LARP1B: variants seen among roughly 807,000 people sequenced by gnomAD.
LARP1B encodes the protein La ribonucleoprotein 1B.
In LARP1B, 76 loss-of-function variants were observed where a neutral mutation model predicts 114.2. That is an observed-to-expected ratio of 0.67 (90% CI 0.55 to 0.81). The LOEUF (loss-of-function observed/expected upper bound fraction) is 0.81. LARP1B is among the 30% of genes least tolerant of loss of function. The probability of loss-of-function intolerance (pLI) is 0.00; values close to 1 mark genes in which losing one functional copy is unlikely to be tolerated. For missense variants in LARP1B, 1,014 were observed against 1,075.8 expected (o/e 0.94, Z 0.80); for synonymous variants, 345 against 348.0 (o/e 0.99, Z 0.10).
intron 6 of LARP1B, among the ~76,000 whole-genome samples, chr4:128,219,169 A>G (rs1300565206): frequency 2.7e-5 from 4 of 150,640 alleles, no homozygotes; most frequent in African/African-American, 9.7e-5. Context: ...GGATGTGGAG[A>G]AATAGGAACA....
chr4:128,155,433 C>A, intron 11 of LARP1B: 1 of 692,934 alleles, frequency 1.4e-6, no homozygotes, highest in African/African-American at 1.7e-5. Context: ...CCGGGAATGG[C>A]GTGGGTATGG....
chr4:128,151,882 G>T (rs1250759790), intron 11 of LARP1B, among the ~76,000 whole-genome samples: 1 of 152,164 alleles, frequency 6.6e-6, no homozygotes, highest in Non-Finnish European at 1.5e-5. Context: ...GGGATTACAG[G>T]TGTGAGCCAC....
chr4:128,195,195 A>T (rs542607445), intron 15 of LARP1B, among the ~76,000 whole-genome samples: 9 of 152,314 alleles, frequency 5.9e-5, no homozygotes, highest in African/African-American at 1.9e-4. Flanking sequence ...TGCTAAAGTA[A>T]GTCCTAGGCT....
At chr4:128,135,347 T>C (rs944351117) in intron 11 of LARP1B, among the ~76,000 whole-genome samples, 9 of 152,112 alleles carry the variant, frequency 5.9e-5, no homozygotes, top group Non-Finnish European at 1.3e-4. Flanking sequence ...GCAGCCCTTA[T>C]GGAATACAGG....
At chr4:128,118,232 A>AT (rs771418969) in intron 10 of LARP1B, among the ~76,000 whole-genome samples, 11,625 of 93,482 alleles carry the variant, frequency 0.12, 1,632 homozygotes, top group African/African-American at 0.34. Context: ...AGTCAGGTCT[A>AT]TTTTTTTTTT....
chr4:128,092,780 A>G (rs897889469), intron 7 of LARP1B: 3 of 985,282 alleles, frequency 3.0e-6, no homozygotes, highest in Non-Finnish European at 3.6e-6. Flanking sequence ...GTTACAGTTG[A>G]TGCAAACACT....
At chr4:128,121,774 A>G in intron 10 of LARP1B, 52 bp from the exon 11 acceptor site, 1 of 1,289,838 alleles carries the variant, frequency 7.8e-7, no homozygotes, top group Non-Finnish European at 1.0e-6. Flanking sequence ...ATGACATTTA[A>G]TTTAAAAATG....
At chr4:128,063,639 C>T (rs1476441140) in intron 1 of LARP1B, among the ~76,000 whole-genome samples, 2 of 150,058 alleles carry the variant, frequency 1.3e-5, no homozygotes, top group African/African-American at 2.4e-5. Flanking sequence ...ATTAACCTGG[C>T]GTGGTGGCGC....
Position 128,085,390 on chromosome 4 carries a change from G to A in LARP1B, c.358+3085G>A, listed in dbSNP as rs1178399459. On this transcript the variant is annotated intron_variant, in intron 5 of 19. Coordinates refer to ENST00000326639, the MANE Select transcript of LARP1B (RefSeq NM_018078.4). Reference sequence around the variant, plus strand: ...TTTTTTTTTTTTTAAATAAGTGATGGGGTCTCATTCTGTTGCCCAGGCTGG... The same window carrying A: ...TTTTTTTTTTTTTAAATAAGTGATGAGGTCTCATTCTGTTGCCCAGGCTGG... Among the ~76,000 whole-genome samples, 4 of 132,072 alleles carry A rather than the reference G, an allele frequency of 3.0e-5. No homozygotes were observed. In the South Asian group the frequency reaches 7.7e-4, roughly 25 times the overall value. The allele number at this position is 132,072 out of a possible 152,430, so 86.6% of individuals were successfully genotyped here.
At position 128,113,822 on chromosome 4, in the gene LARP1B, T is replaced by C. The variant is rs180951026; in HGVS notation, c.989-748T>C. ...TTTTTTTGAGATGGAGTTTCGCTTT[T>C]GTTGCCCAGGCTGGAGTGCAATAGC... On this transcript the variant is annotated intron_variant, in intron 9 of 19. Transcript: ENST00000326639. 2.6e-3 allele frequency among the ~76,000 whole-genome samples: 393 copies of C among 150,148 alleles called. 1 individual carries two copies. The highest frequency in any genetic ancestry group is 9.3e-3 in the African/African-American group (376 of 40,624).
chr4:128,190,790 A>C (rs2150785262), intron 15 of LARP1B, among the ~76,000 whole-genome samples: 1 of 152,342 alleles, frequency 6.6e-6, no homozygotes, highest in East Asian at 1.9e-4. Flanking sequence ...TAGCAGAGTG[A>C]AAATGGACTA....
At chr4:128,073,407 A>C (rs1374137471) in intron 1 of LARP1B, among the ~76,000 whole-genome samples, 2 of 107,502 alleles carry the variant, frequency 1.9e-5, no homozygotes, top group African/African-American at 6.9e-5. Flanking sequence ...CAGAGTGAGA[A>C]GATTCCGTCT....
chr4:128,113,333 T>G (rs1401417393), intron 9 of LARP1B, among the ~76,000 whole-genome samples: 1 of 151,680 alleles, frequency 6.6e-6, no homozygotes, highest in Admixed American at 6.6e-5. Context: ...ATTTTTTTTC[T>G]TTTTCTTTTC....
At chr4:128,146,682 T>C (rs960924870) in intron 11 of LARP1B, among the ~76,000 whole-genome samples, 1 of 152,188 alleles carries the variant, frequency 6.6e-6, no homozygotes, top group African/African-American at 2.4e-5. Flanking sequence ...TTCCAGGATA[T>C]TGGCAGTGTC....
intron 12 of LARP1B, among the ~76,000 whole-genome samples, chr4:128,166,927 CTAT>C (rs1377106807): frequency 8.4e-6 from 1 of 118,646 alleles, no homozygotes; most frequent in Non-Finnish European, 1.7e-5. Flanking sequence ...TAATTATATT[CTAT>C]TCTCTCTCTC....
rs150383879 is a variant in LARP1B at position 128,091,463 on chromosome 4, G to A, written c.619G>A (p.Val207Met). 34 of 1,610,160 alleles carry A rather than the reference G, an allele frequency of 2.1e-5. No individual in the cohort carries two copies. The African/African-American group carries it at 4.1e-4, about 20-fold the overall frequency. The change falls in exon 7 of 20, where the codon GTG becomes ATG. Residue 207 changes from valine to methionine, a missense_variant. Coordinates refer to ENST00000326639, the MANE Select transcript of LARP1B (RefSeq NM_018078.4). ...CTATGATGATGGTACAGGTGTACAG[G>A]TGTATCCTGTGGAAGAAGCATTGCT... ...YYYDDGTGVQVYPVEEALLKE... is the reference protein window; with the variant it reads ...YYYDDGTGVQMYPVEEALLKE...
chr4:128,094,056 T>C (rs1223195526), intron 7 of LARP1B, among the ~76,000 whole-genome samples: 1 of 151,484 alleles, frequency 6.6e-6, no homozygotes, highest in Non-Finnish European at 1.5e-5. Flanking sequence ...TGCAGTCTAC[T>C]TTTTTTTAAC....
At chr4:128,101,761 T>C (rs1484513382) in intron 8 of LARP1B, among the ~76,000 whole-genome samples, 1 of 152,134 alleles carries the variant, frequency 6.6e-6, no homozygotes, top group East Asian at 1.9e-4. Context: ...ATTACAGGCA[T>C]GAGCTACCGC....
intron 11 of LARP1B, among the ~76,000 whole-genome samples, chr4:128,143,225 C>T (rs1024072737): frequency 2.6e-5 from 4 of 152,072 alleles, no homozygotes; most frequent in African/African-American, 9.7e-5. Context: ...GTGGAGGTTG[C>T]AGTGAGCCAA....
Sources: allele counts gnomAD v4.1 joint callset (sites outside exome capture counted in the v4.1 genomes callset), GRCh38; gene constraint gnomAD v4.1.1; transcripts MANE v1.5; gene names NCBI Gene and HGNC (gene_info 2026-07-23, HGNC 2026-07-21).